The following F13B variants were observed in gnomAD, a reference collection of about 807,000 sequenced individuals.
F13B encodes TGase.
In F13B, 58 loss-of-function variants were observed where a neutral mutation model predicts 79.8. The ratio of observed to expected loss-of-function variants is 0.73; its 90% CI spans 0.59 to 0.90. The LOEUF (loss-of-function observed/expected upper bound fraction) is 0.90. Among genes scored for constraint, F13B ranks in the 40% least tolerant of loss-of-function variants. The probability of loss-of-function intolerance (pLI) is 0.00; values close to 1 mark genes in which losing one functional copy is unlikely to be tolerated. For synonymous variants in F13B, 283 were observed against 260.3 expected (o/e 1.09, Z -0.84); for missense variants, 773 against 777.0 (o/e 0.99, Z 0.06).
intron 7 of F13B, among the ~76,000 whole-genome samples, chr1:197,056,583 G>A (rs1309977850): frequency 6.6e-6 from 1 of 152,076 alleles, no homozygotes. Flanking sequence ...CTTACCCAAG[G>A]TCAAGAACAG....
chr1:197,050,669 T>G (rs766574861), intron 10 of F13B, 28 bp downstream of exon 10: 2 of 1,600,672 alleles, frequency 1.2e-6, no homozygotes, highest in Non-Finnish European at 8.6e-7. Context: ...AGTTTTACTT[T>G]GTTAGAGGCA....
Position 197,050,806 on chromosome 1 carries a change from A to G in F13B, c.1629T>C (p.Tyr543=), listed in dbSNP as rs1442314854. ...TGTATTCTACTGAAGAGCCATTTTC[A>G]TAGGTGTCTACTGTTGAACTAATAA... The part of the protein sequence containing the change: ...GVIISSTVDT[Y]ENGSSVEYRC... The change falls in exon 10 of 12, where the codon TAT becomes TAC. Residue 543 remains tyrosine (Y), a synonymous_variant. Coordinates refer to ENST00000367412, the MANE Select transcript of F13B (RefSeq NM_001994.3). 6 of 1,613,402 alleles carry G rather than the reference A, an allele frequency of 3.7e-6. No homozygotes were observed. The highest frequency in any genetic ancestry group is 1.3e-5 in the African/African-American group (1 of 75,016).
chr1:197,040,690 A>G lies in F13B; in HGVS notation c.1784T>C (p.Leu595Pro). The change falls in exon 11 of 12, where the codon CTT (leucine) becomes CCT (proline). Residue 595 changes from leucine to proline, a missense_variant. Coordinates refer to ENST00000367412, the MANE Select transcript of F13B (RefSeq NM_001994.3). Reference protein sequence around the residue: ...SFTEMEKNNLLLKWDFDNRPH... With the variant: ...SFTEMEKNNLPLKWDFDNRPH... ...TCTATTGTCAAAATCCCATTTCAGA[A>G]GTAAATTATTCTTTTCCATTTCAGT... is the stretch of plus-strand genomic sequence containing the variant. 1 of 1,612,876 alleles carries G rather than the reference A, an allele frequency of 6.2e-7. No homozygotes were observed.
chr1:197,039,669 A>G (rs914100381), intron 11 of F13B, among the ~76,000 whole-genome samples: 9 of 152,100 alleles, frequency 5.9e-5, no homozygotes, highest in Non-Finnish European at 1.0e-4. Context: ...TTCATACTGT[A>G]CCAAAACATT....
intron 9 of F13B, among the ~76,000 whole-genome samples, chr1:197,051,197 C>A (rs1558306788): frequency 6.6e-6 from 1 of 152,158 alleles, no homozygotes; most frequent in Non-Finnish European, 1.5e-5. Flanking sequence ...GCGTGAGCCA[C>A]TGCACCTAGC....
At position 197,063,069 on chromosome 1, in the gene F13B, A is replaced by G. The variant is rs1655927022; in HGVS notation, c.65-12T>C. The G allele has an allele frequency of 6.2e-7, 1 of 1,604,328 alleles. No individual in the cohort carries two copies. The highest frequency in any genetic ancestry group is 8.5e-7 in the Non-Finnish European group (1 of 1,173,188). ...ACCACAGGGTTTCTCTGAAATGAGT[A>G]AATGTCAAGCTGAAAATGGAAAAAC... is the stretch of plus-strand genomic sequence containing the variant. On this transcript the variant is annotated splice_polypyrimidine_tract_variant and intron_variant, in intron 1 of 11. Coordinates refer to ENST00000367412, the MANE Select transcript of F13B (RefSeq NM_001994.3).
chr1:197,062,937 C>A lies in F13B; in HGVS notation c.185G>T (p.Gly62Val). The A allele has an allele frequency of 1.2e-6, 2 of 1,613,844 alleles. No homozygotes were observed. Among genetic ancestry groups the A allele is most frequent in the South Asian group, 1.1e-5 (1 of 91,080 alleles). ...TTGTCTTCCACTTTCAGTGGTATAACCAGCCAAGCAGAAAAATGACAATTT... is the reference window on the plus strand; with the variant it reads ...TTGTCTTCCACTTTCAGTGGTATAAACAGCCAAGCAGAAAAATGACAATTT... ...DKKLSFFCLA[G>V]YTTESGRQEE... is the part of the protein sequence containing the mutation. The change falls in exon 2 of 12, where the codon GGT (glycine) becomes GTT (valine). Residue 62 changes from glycine to valine, a missense_variant. By Grantham distance (109) the Gly-to-Val change is moderately radical. Transcript: ENST00000367412.
intron 8 of F13B, among the ~76,000 whole-genome samples, chr1:197,054,289 C>T (rs1354397736): frequency 6.6e-6 from 1 of 151,924 alleles, no homozygotes; most frequent in Non-Finnish European, 1.5e-5. Context: ...AGTCTTTGTC[C>T]TTAGAGATTA....
intron 7 of F13B, among the ~76,000 whole-genome samples, chr1:197,056,184 C>G (rs1655634946): frequency 6.6e-6 from 1 of 152,098 alleles, no homozygotes. Flanking sequence ...AGAAACTGTT[C>G]TTCAACCTAA....
chr1:197,045,797 A>G (rs1026790234), intron 10 of F13B, among the ~76,000 whole-genome samples: 2 of 152,220 alleles, frequency 1.3e-5, no homozygotes, highest in Non-Finnish European at 2.9e-5. Flanking sequence ...CCAGCAGCAC[A>G]TCAAAAAGCT....
At position 197,039,426 on chromosome 1, in the gene F13B, G is replaced by C; in HGVS notation, c.1953-15C>G. ...AAGACAGAGTGCTTGAGGGGAAAAA[G>C]AGAGATTTTTGAAATAAGCATCAAT... On this transcript the variant is annotated splice_polypyrimidine_tract_variant and intron_variant, in intron 11 of 11. Coordinates refer to ENST00000367412, the MANE Select transcript of F13B (RefSeq NM_001994.3). 6.2e-7 allele frequency: 1 copy of C among 1,607,646 alleles called. No individual in the cohort carries two copies. Among genetic ancestry groups the C allele is most frequent in the Non-Finnish European group, 8.5e-7 (1 of 1,176,086 alleles).
intron 1 of F13B, among the ~76,000 whole-genome samples, chr1:197,066,487 A>G (rs1656053157): frequency 6.6e-6 from 1 of 152,118 alleles, no homozygotes; most frequent in Non-Finnish European, 1.5e-5. Flanking sequence ...CTAATCTTAC[A>G]CATTGGGCAA....
At chr1:197,055,980 G>T in intron 7 of F13B, 83 bp from the exon 8 acceptor site, 1 of 1,175,122 alleles carries the variant, frequency 8.5e-7, no homozygotes, top group Non-Finnish European at 1.2e-6. Flanking sequence ...CTCGATATTT[G>T]TATTATATAA....
intron 10 of F13B, among the ~76,000 whole-genome samples, chr1:197,049,951 T>C (rs1655382909): frequency 6.6e-6 from 1 of 152,102 alleles, no homozygotes; most frequent in Non-Finnish European, 1.5e-5. Context: ...CAGATATTGC[T>C]AAAAATTAAA....
chr1:197,047,203 G>A (rs551891092), intron 10 of F13B, among the ~76,000 whole-genome samples: 1 of 152,060 alleles, frequency 6.6e-6, no homozygotes, highest in African/African-American at 2.4e-5. Flanking sequence ...CAAAAGAAAC[G>A]ATCATCAGAG....
intron 4 of F13B, 21 bp from the exon 5 acceptor site, chr1:197,060,563 A>G: frequency 6.7e-7 from 1 of 1,488,158 alleles, no homozygotes; most frequent in East Asian, 2.3e-5. Context: ...AAGAATGAAT[A>G]AAATTACAAA....
In F13B at chr1:197,052,830, T is replaced by C. The variant is rs1655497415; in HGVS notation, c.1359A>G (p.Pro453=). ...TCATGTAATCCACATTAACAGTACA[T>C]GGTTCTGTAAAACAAAATGCTCTTT... ...KWSSPPVCLE[P]CTVNVDYMNR... Residue 453 remains proline (P), a synonymous_variant, in exon 9 of 12, where the codon CCA becomes CCG. Coordinates refer to ENST00000367412, the MANE Select transcript of F13B (RefSeq NM_001994.3). 2 of 1,606,308 alleles carry C rather than the reference T, an allele frequency of 1.2e-6. No individual in the cohort carries two copies. Among genetic ancestry groups the C allele is most frequent in the Non-Finnish European group, 1.7e-6 (2 of 1,175,542 alleles).
intron 1 of F13B, among the ~76,000 whole-genome samples, chr1:197,065,559 C>T (rs17549554): frequency 7.9e-5 from 12 of 152,230 alleles, no homozygotes; most frequent in African/African-American, 2.9e-4. Context: ...TGATGAGGAG[C>T]AACAATTTAC....
At position 197,057,390 on chromosome 1, in the gene F13B, T is replaced by C; in HGVS notation, c.881A>G (p.His294Arg). The C allele has an allele frequency of 6.2e-7, 1 of 1,614,000 alleles. No homozygotes were observed. Among genetic ancestry groups the C allele is most frequent in the South Asian group, 1.1e-5 (1 of 91,084 alleles). The stretch of plus-strand genomic sequence containing the variant: ...ACATTCTATATGAACTATTTCTCCA[T>C]GACGATAAGTTGTTGAATGTGTTTG... ...KIQTHSTTYR[H>R]GEIVHIECEL... is the part of the protein sequence containing the mutation. Residue 294 changes from histidine to arginine, a missense_variant, in exon 6 of 12, where the codon CAT becomes CGT. By Grantham distance (29) the His-to-Arg change is conservative (BLOSUM62 0). Coordinates refer to ENST00000367412, the MANE Select transcript of F13B (RefSeq NM_001994.3).
Sources: allele counts gnomAD v4.1 joint callset (sites outside exome capture counted in the v4.1 genomes callset), GRCh38; gene constraint gnomAD v4.1.1; transcripts MANE v1.5; gene names NCBI Gene and HGNC (gene_info 2026-07-23, HGNC 2026-07-21).